The following NDOR1 variants were observed in gnomAD, a reference collection of about 807,000 sequenced individuals.
NDOR1 encodes NADPH dependent diflavin oxidoreductase 1.
In NDOR1, 61 loss-of-function variants were observed where a neutral mutation model predicts 67.2. The ratio of observed to expected loss-of-function variants is 0.91; its 90% CI spans 0.74 to 1.12. The LOEUF is 1.12. Ranked by LOEUF, NDOR1 falls within the 50% of genes most tolerant of loss-of-function variation. NDOR1 has a pLI of 0.00. For synonymous variants in NDOR1, 378 were observed against 343.7 expected (o/e 1.10, Z -1.10); for missense variants, 878 against 802.8 (o/e 1.09, Z -1.13).
intron 9 of NDOR1, 57 bp from the exon 10 acceptor site, chr9:137,215,350 C>A: frequency 6.3e-7 from 1 of 1,582,272 alleles, no homozygotes; most frequent in Non-Finnish European, 8.7e-7. Context: ...GGCCCACGGC[C>A]CAGGCACAGG....
In NDOR1 at chr9:137,215,174, G is replaced by A; in HGVS notation, c.1145G>A (p.Arg382Lys). The A allele has an allele frequency of 6.2e-7, 1 of 1,612,988 alleles. No homozygotes were observed. Among genetic ancestry groups the A allele is most frequent in the Non-Finnish European group, 8.5e-7 (1 of 1,179,876 alleles). ...LLDLIPVIRP[R>K]AFSIASSLLT... ...GACCTCATCCCCGTTATCCGGCCGA[G>A]GGCCTTCTCCATCGCCTCCTCGCTG... Residue 382 changes from arginine to lysine, a missense_variant, in exon 9 of 14, where the codon AGG becomes AAG. Coordinates refer to ENST00000684003, the MANE Select transcript of NDOR1 (RefSeq NM_014434.4).
At chr9:137,210,783 G>C (rs1207056517) in intron 2 of NDOR1, among the ~76,000 whole-genome samples, 1 of 152,112 alleles carries the variant, frequency 6.6e-6, no homozygotes, top group Non-Finnish European at 1.5e-5. Flanking sequence ...GAAGGTCAAG[G>C]CTGCAGTGAG....
Position 137,218,683 on chromosome 9 carries a change from C to G in NDOR1, c.*2267C>G, listed in dbSNP as rs1835750281. On this transcript the variant is annotated 3_prime_UTR_variant, in exon 14 of 14. Transcript: ENST00000684003. The stretch of plus-strand genomic sequence containing the variant: ...GTCCCCATGCCTGGGTGCTGTGAGG[C>G]CTGATGACCAGGCTGGAAAAACCCA... 5.0e-6 allele frequency: 2 copies of G among 398,242 alleles called. No homozygotes were observed. The highest frequency in any genetic ancestry group is 1.3e-4 in the South Asian group (1 of 7,740). The allele number at this position is 398,242 out of a possible 1,614,324, so 24.7% of individuals were successfully genotyped here. A position where few individuals can be genotyped will look rare whatever the true frequency, so the allele number is the denominator to read the frequency against.
rs149532613 is a variant in NDOR1 at position 137,215,420 on chromosome 9, G to A, written c.1187G>A (p.Arg396Gln). The change falls in exon 10 of 14, where the codon CGG becomes CAG. Residue 396 changes from arginine to glutamine, a missense_variant. Transcript: ENST00000684003. ...IASSLLTHPSRLQILVAVVQF... is the reference protein window; with the variant it reads ...IASSLLTHPSQLQILVAVVQF... ...CGTCCTCCCCAGACTCACCCCTCAC[G>A]GCTGCAGATCCTCGTGGCTGTAGTG... 11 of 1,463,160 alleles carry A rather than the reference G, an allele frequency of 7.5e-6. No homozygotes were observed. The highest frequency in any genetic ancestry group is 5.7e-5 in the African/African-American group (4 of 70,168). 90.6% of individuals were successfully genotyped at this position (1,463,160 alleles called of 1,614,324 possible). A position where few individuals can be genotyped will look rare whatever the true frequency, so the allele number is the denominator to read the frequency against.
At chr9:137,213,697 C>G in intron 3 of NDOR1, 83 bp from the exon 4 acceptor site, 1 of 1,373,896 alleles carries the variant, frequency 7.3e-7, no homozygotes, top group Non-Finnish European at 1.0e-6. Context: ...TTCGCCCGGG[C>G]TCCACTCTCC....
At position 137,212,462 on chromosome 9, in the gene NDOR1, G is replaced by C. The variant is rs1230392589; in HGVS notation, c.214-40G>C. 2 of 1,575,978 alleles carry C rather than the reference G, an allele frequency of 1.3e-6. No homozygotes were observed. The highest frequency in any genetic ancestry group is 1.7e-6 in the Non-Finnish European group (2 of 1,145,508). ...CACCCCCTGCTGTGGGGCTAGCCTAGAGGTCGAGGACTCTGACTCAGAGTT... is the reference window on the plus strand; with the variant it reads ...CACCCCCTGCTGTGGGGCTAGCCTACAGGTCGAGGACTCTGACTCAGAGTT... On this transcript the variant is annotated intron_variant, in intron 2 of 13. Coordinates refer to ENST00000684003, the MANE Select transcript of NDOR1 (RefSeq NM_014434.4). This position sits in a 1 kb window ranked among gnomAD's most constrained non-coding sequence, Gnocchi z 4.3.
Position 137,216,688 on chromosome 9 carries a change from A to G in NDOR1, c.*272A>G, listed in dbSNP as rs1390015861. ...TCGTCCCCCCACCCCCTTCCCAGTCAAGGTGGTGGCCTGGGCCGCTCCACC... is the reference window on the plus strand; with the variant it reads ...TCGTCCCCCCACCCCCTTCCCAGTCGAGGTGGTGGCCTGGGCCGCTCCACC... On this transcript the variant is annotated 3_prime_UTR_variant, in exon 14 of 14. Transcript: ENST00000684003. 7.9e-6 allele frequency: 4 copies of G among 507,226 alleles called. No individual in the cohort carries two copies. The highest frequency in any genetic ancestry group is 1.4e-5 in the Non-Finnish European group (4 of 280,072). 31.4% of individuals were successfully genotyped at this position (507,226 alleles called of 1,614,324 possible). A position where few individuals can be genotyped will look rare whatever the true frequency, so the allele number is the denominator to read the frequency against.
chr9:137,213,202 G>C (rs979831693), intron 3 of NDOR1, among the ~76,000 whole-genome samples: 3 of 152,234 alleles, frequency 2.0e-5, no homozygotes, highest in Non-Finnish European at 4.4e-5. Flanking sequence ...GTTTTGTTCC[G>C]TGCGTGACGT....
intron 3 of NDOR1, among the ~76,000 whole-genome samples, chr9:137,213,182 C>G (rs1486451309): frequency 6.6e-6 from 1 of 152,250 alleles, no homozygotes; most frequent in Non-Finnish European, 1.5e-5. Flanking sequence ...CCCCCCGGTT[C>G]TGCCGGGAGG....
chr9:137,206,028 G>T, intron 1 of NDOR1, 116 bp downstream of exon 1: 1 of 1,480,146 alleles, frequency 6.8e-7, no homozygotes, highest in Non-Finnish European at 9.0e-7. Flanking sequence ...TTTCCCTTAT[G>T]GCGGATTTAG....
intron 2 of NDOR1, among the ~76,000 whole-genome samples, chr9:137,209,951 G>C (rs1009220724): frequency 1.3e-4 from 20 of 152,300 alleles, no homozygotes; most frequent in Admixed American, 1.1e-3. Flanking sequence ...AAATTAGCTG[G>C]GTGTATTGGT....
At chr9:137,213,038 A>T (rs1409218613) in intron 3 of NDOR1, among the ~76,000 whole-genome samples, 1 of 152,182 alleles carries the variant, frequency 6.6e-6, no homozygotes, top group Non-Finnish European at 1.5e-5. Context: ...TGGCATCTTT[A>T]GACCCCACAA....
At chr9:137,214,128 C>A in intron 5 of NDOR1, 60 bp downstream of exon 5, 1 of 1,530,526 alleles carries the variant, frequency 6.5e-7, no homozygotes, top group Non-Finnish European at 8.8e-7. Context: ...CTGGGGACCT[C>A]GCCCTGGGTC....
chr9:137,206,084 G>A (rs1235565187), intron 1 of NDOR1, 148 bp from the exon 2 acceptor site: 2 of 1,433,384 alleles, frequency 1.4e-6, no homozygotes, highest in African/African-American at 1.4e-5. Flanking sequence ...CCTGGAGGAG[G>A]TTGGAACCTG....
Position 137,212,676 on chromosome 9 carries a change from G to A in NDOR1, c.311+77G>A. 1 of 1,382,964 alleles carries A rather than the reference G, an allele frequency of 7.2e-7. No homozygotes were observed. Among genetic ancestry groups the A allele is most frequent in the Non-Finnish European group, 1.0e-6 (1 of 972,206 alleles). The allele number at this position is 1,382,964 out of a possible 1,614,324, so 85.7% of individuals were successfully genotyped here. A position where few individuals can be genotyped will look rare whatever the true frequency, so the allele number is the denominator to read the frequency against. On this transcript the variant is annotated intron_variant, in intron 3 of 13. Coordinates refer to ENST00000684003, the MANE Select transcript of NDOR1 (RefSeq NM_014434.4). The surrounding 1 kb of genome is among the most constrained non-coding windows in gnomAD (Gnocchi z 4.3). Reference sequence around the variant, plus strand: ...AACAGGTGTGCTGGCAGAGGACCGAGACCAGCTTCCAGGGTCGGCCCCTGC... The same window carrying A: ...AACAGGTGTGCTGGCAGAGGACCGAAACCAGCTTCCAGGGTCGGCCCCTGC...
rs751056010 is a variant in NDOR1, at chr9:137,215,458, C to T, written c.1225C>T (p.Arg409Cys). 4.3e-5 allele frequency: 69 copies of T among 1,613,098 alleles called. No individual in the cohort carries two copies. In the South Asian group the frequency reaches 4.7e-4, roughly 11 times the overall value. The change falls in exon 10 of 14, where the codon CGC (arginine) becomes TGC (cysteine). Residue 409 changes from arginine to cysteine, a missense_variant. Arg to Cys is a radical substitution (Grantham distance 180, BLOSUM62 -3). Transcript: ENST00000684003. ...CGTGGCTGTAGTGCAGTTCCAGACT[C>T]GCCTCAAGGAGCCCCGCCGGGGCCT... The part of the protein sequence containing the change: ...ILVAVVQFQT[R>C]LKEPRRGLCS...
At position 137,216,558 on chromosome 9, in the gene NDOR1, A is replaced by G; in HGVS notation, c.*142A>G. 1.8e-6 allele frequency: 2 copies of G among 1,114,844 alleles called. No homozygotes were observed. Among genetic ancestry groups the G allele is most frequent in the East Asian group, 2.6e-5 (1 of 38,600 alleles). 69.1% of individuals were successfully genotyped at this position (1,114,844 alleles called of 1,614,324 possible). A position where few individuals can be genotyped will look rare whatever the true frequency, so the allele number is the denominator to read the frequency against. On this transcript the variant is annotated 3_prime_UTR_variant, in exon 14 of 14. Coordinates refer to ENST00000684003, the MANE Select transcript of NDOR1 (RefSeq NM_014434.4). ...CTGGGAACAGCCAGCTCCCGAGCAC[A>G]GCCGCACTCCTGTTGACCCTGGATC... is the stretch of plus-strand genomic sequence containing the variant.
rs200435436 is a variant in NDOR1, at chr9:137,216,091, C to T, written c.1555-3C>T. The T allele has an allele frequency of 1.3e-5, 21 of 1,613,520 alleles. No homozygotes were observed. The East Asian group carries it at 4.5e-4, about 34-fold the overall frequency. Reference sequence around the variant, plus strand: ...GCCCCCAGCCCTGTTCTCTGCCCTACAGGAGCAGAAAGTATATGTGCAGCA... The same window carrying T: ...GCCCCCAGCCCTGTTCTCTGCCCTATAGGAGCAGAAAGTATATGTGCAGCA... On this transcript the variant is annotated splice_region_variant and splice_polypyrimidine_tract_variant and intron_variant, in intron 12 of 13. Transcript: ENST00000684003.
chr9:137,216,086 C>T lies in NDOR1; in HGVS notation c.1555-8C>T, dbSNP rs1469442264. The T allele has an allele frequency of 2.5e-6, 4 of 1,613,358 alleles. No homozygotes were observed. Among genetic ancestry groups the T allele is most frequent in the African/African-American group, 2.7e-5 (2 of 74,942 alleles). ...GCTCAGCCCCCAGCCCTGTTCTCTGCCCTACAGGAGCAGAAAGTATATGTG... is the reference window on the plus strand; with the variant it reads ...GCTCAGCCCCCAGCCCTGTTCTCTGTCCTACAGGAGCAGAAAGTATATGTG... On this transcript the variant is annotated splice_region_variant and splice_polypyrimidine_tract_variant and intron_variant, in intron 12 of 13. Coordinates refer to ENST00000684003, the MANE Select transcript of NDOR1 (RefSeq NM_014434.4).
Sources: allele counts gnomAD v4.1 joint callset (sites outside exome capture counted in the v4.1 genomes callset), GRCh38; gene constraint gnomAD v4.1.1; non-coding constraint Gnocchi (gnomAD v3.1); transcripts MANE v1.5; gene names NCBI Gene and HGNC (gene_info 2026-07-23, HGNC 2026-07-21).